Variants in PTPRD observed in about 807,000 individuals in gnomAD.
PTPRD encodes the protein receptor-type tyrosine-protein phosphatase delta.
A neutral mutation model predicts 214.5 loss-of-function variants in PTPRD; 34 were observed. That is an observed-to-expected ratio of 0.16 (90% CI 0.12 to 0.21). The LOEUF is 0.21. Ranked by LOEUF, PTPRD falls within the 10% of genes least tolerant of loss-of-function variation. PTPRD has a pLI of 1.00. For synonymous variants in PTPRD, 1,128 were observed against 845.7 expected, an observed-to-expected ratio of 1.33 and a Z score of -5.79; for missense variants, 2,545 against 2,398.7, an observed-to-expected ratio of 1.06 and a Z score of -1.27.
intron 3 of PTPRD, among the ~76,000 whole-genome samples, chr9:10,110,402 T>C (rs1194087084): frequency 6.6e-6 from 1 of 152,178 alleles, no homozygotes; most frequent in African/African-American, 2.4e-5. Context: ...TCACAGTGCT[T>C]TTACATTTGG....
At chr9:10,125,421 ATTTTATTATTAT>A (rs1245005247) in intron 3 of PTPRD, among the ~76,000 whole-genome samples, 16 of 122,192 alleles carry the variant, frequency 1.3e-4, no homozygotes, top group African/African-American at 4.2e-4. Context: ...ATTTTGTTTT[ATTTTATTATTAT>A]TATTATTATT....
intron 11 of PTPRD, among the ~76,000 whole-genome samples, chr9:8,998,275 G>C (rs1276690702): frequency 6.6e-6 from 1 of 152,034 alleles, no homozygotes; most frequent in Non-Finnish European, 1.5e-5. Context: ...CAAAGGATAG[G>C]CTGGTTATCT....
intron 12 of PTPRD, among the ~76,000 whole-genome samples, chr9:8,648,356 C>T (rs1426772436): frequency 6.6e-6 from 1 of 152,166 alleles, no homozygotes; most frequent in African/African-American, 2.4e-5. Flanking sequence ...CTTAGTAAGG[C>T]TGGCCATTCT....
intron 11 of PTPRD, among the ~76,000 whole-genome samples, chr9:8,810,518 G>C (rs2096780017): frequency 6.6e-6 from 1 of 152,112 alleles, no homozygotes; most frequent in Admixed American, 6.5e-5. Flanking sequence ...CTCATTTTAA[G>C]AATCAGCCAC....
chr9:9,525,007 G>A (rs1325869986), intron 8 of PTPRD, among the ~76,000 whole-genome samples: 1 of 152,076 alleles, frequency 6.6e-6, no homozygotes, highest in Non-Finnish European at 1.5e-5. Flanking sequence ...ACAGGCGCCC[G>A]CCACCACGCC....
chr9:9,201,093 T>C (rs189360853), intron 9 of PTPRD, among the ~76,000 whole-genome samples: 1 of 152,158 alleles, frequency 6.6e-6, no homozygotes, highest in Non-Finnish European at 1.5e-5. Context: ...AATCTTATCA[T>C]GAAAAGTGGT....
chr9:9,333,538 G>A (rs1417347939), intron 9 of PTPRD, among the ~76,000 whole-genome samples: 3 of 131,844 alleles, frequency 2.3e-5, no homozygotes, highest in African/African-American at 3.8e-5. Context: ...AGTCTGCAAT[G>A]CAATCACAAG....
At chr9:10,035,489 C>T (rs753770988) in intron 3 of PTPRD, among the ~76,000 whole-genome samples, 20 of 152,032 alleles carry the variant, frequency 1.3e-4, no homozygotes, top group Non-Finnish European at 1.9e-4. Context: ...TTGGCATCTT[C>T]GTCATGAAAT....
At position 9,618,906 on chromosome 9, in the gene PTPRD, A is replaced by T. The variant is rs554848572; in HGVS notation, c.-286-44125T>A. On this transcript the variant is annotated intron_variant, in intron 7 of 45. Transcript: ENST00000381196. ...CTGCCACTTAAGTCGCAAACAAAGG[A>T]AAAAAAACCTCTGAAGGTAGTTGAG... 1.1e-4 allele frequency among the ~76,000 whole-genome samples: 16 copies of T among 152,132 alleles called. No individual in the cohort carries two copies. The South Asian group carries it at 2.9e-3, about 28-fold the overall frequency.
chr9:9,414,284 C>A (rs2076351118), intron 8 of PTPRD, among the ~76,000 whole-genome samples: 1 of 152,230 alleles, frequency 6.6e-6, no homozygotes, highest in Non-Finnish European at 1.5e-5. Flanking sequence ...AAATTAACCT[C>A]TCACTGTGTT....
intron 12 of PTPRD, among the ~76,000 whole-genome samples, chr9:8,719,509 G>A (rs1170940933): frequency 6.6e-6 from 1 of 152,222 alleles, no homozygotes; most frequent in Admixed American, 6.5e-5. Flanking sequence ...ACTTTCTCCT[G>A]TCTGATGAGG....
intron 33 of PTPRD, among the ~76,000 whole-genome samples, chr9:8,456,431 C>A (rs537254243): frequency 6.6e-6 from 1 of 152,074 alleles, no homozygotes; most frequent in Admixed American, 6.6e-5. Flanking sequence ...TTGGAGTTAT[C>A]CAAGCCAAAA....
intron 2 of PTPRD, among the ~76,000 whole-genome samples, chr9:10,576,308 A>G (rs1428186501): frequency 1.1e-4 from 16 of 152,172 alleles, no homozygotes; most frequent in Non-Finnish European, 1.5e-5. Context: ...TGTCTGGGAT[A>G]TACTGTGACT....
intron 35 of PTPRD, among the ~76,000 whole-genome samples, chr9:8,412,971 C>G (rs2093641987): frequency 6.6e-6 from 1 of 152,112 alleles, no homozygotes; most frequent in African/African-American, 2.4e-5. Flanking sequence ...GAATGAATAG[C>G]TTGGTTTCAC....
intron 7 of PTPRD, among the ~76,000 whole-genome samples, chr9:9,717,266 GT>G (rs2097851920): frequency 6.6e-6 from 1 of 152,178 alleles, no homozygotes. Context: ...TTGTAGTATA[GT>G]TTGAAGTCAG....
chr9:9,026,822 C>T (rs981475611), intron 10 of PTPRD, among the ~76,000 whole-genome samples: 1 of 151,686 alleles, frequency 6.6e-6, no homozygotes, highest in Non-Finnish European at 1.5e-5. Flanking sequence ...CATTCTCTAC[C>T]GACCCCATTC....
At chr9:9,596,375 G>A (rs912632045) in intron 7 of PTPRD, among the ~76,000 whole-genome samples, 2 of 151,900 alleles carry the variant, frequency 1.3e-5, no homozygotes, top group African/African-American at 4.8e-5. Flanking sequence ...AAAATATCCA[G>A]AGGTACCCTT....
At position 8,602,974 on chromosome 9, in the gene PTPRD, T is replaced by G. The variant is rs183988005; in HGVS notation, c.352+30343A>C. ...ACTGAATTAGTCTTCCTTAGACTGCTGCCACTGGAAGATGAAGAGATTCCA... is the reference window on the plus strand; with the variant it reads ...ACTGAATTAGTCTTCCTTAGACTGCGGCCACTGGAAGATGAAGAGATTCCA... On this transcript the variant is annotated intron_variant, in intron 14 of 45. Coordinates refer to ENST00000381196, the MANE Select transcript of PTPRD (RefSeq NM_002839.4). Among the ~76,000 whole-genome samples the G allele has an allele frequency of 2.3e-3, 351 of 152,308 alleles. 3 individuals are homozygous for G. Among genetic ancestry groups the G allele is most frequent in the African/African-American group, 8.2e-3 (341 of 41,568 alleles).
intron 3 of PTPRD, among the ~76,000 whole-genome samples, chr9:10,094,820 T>G (rs1304183870): frequency 6.6e-6 from 1 of 151,428 alleles, no homozygotes; most frequent in Non-Finnish European, 1.5e-5. Flanking sequence ...CAACCAACAG[T>G]GAAAAGCTTT....
Sources: gnomAD v4.1 joint callset for allele counts (sites outside exome capture counted in the v4.1 genomes callset) on GRCh38, gnomAD v4.1.1 for gene constraint, MANE v1.5 for transcripts, NCBI Gene and HGNC (gene_info 2026-07-23, HGNC 2026-07-21) for gene names.